Variants in C8orf34 observed in about 807,000 individuals in gnomAD.
C8orf34 encodes chromosome 8 open reading frame 34.
A neutral mutation model predicts 68.3 loss-of-function variants in C8orf34; 65 were observed. The observed-to-expected ratio is 0.95, with a 90% CI of 0.78 to 1.17. C8orf34 has a LOEUF of 1.17. Ranked by LOEUF, C8orf34 falls within the 50% of genes most tolerant of loss-of-function variation. The probability of loss-of-function intolerance (pLI) is 0.00; values close to 1 mark genes in which losing one functional copy is unlikely to be tolerated. For missense variants in C8orf34, 664 were observed against 655.4 expected, an observed-to-expected ratio of 1.01 and a Z score of -0.14; for synonymous variants, 244 against 241.2, an observed-to-expected ratio of 1.01 and a Z score of -0.11.
rs970247708 is a variant in C8orf34 at position 68,585,856 on chromosome 8, G to A, written c.1105+52707G>A. On this transcript the variant is annotated intron_variant, in intron 7 of 13. Transcript: ENST00000518698. ...ACAGAAAGAGAAAGAGAGGCAGACA[G>A]ACCCAAGCGGAGGCCACAATGTCTT... is the stretch of plus-strand genomic sequence containing the variant. 2.6e-5 allele frequency among the ~76,000 whole-genome samples: 4 copies of A among 152,124 alleles called. No homozygotes were observed. In the South Asian group the frequency reaches 8.3e-4, roughly 32 times the overall value.
At chr8:68,551,971 A>G (rs1228819851) in intron 7 of C8orf34, among the ~76,000 whole-genome samples, 1 of 152,166 alleles carries the variant, frequency 6.6e-6, no homozygotes, top group Admixed American at 6.5e-5. Context: ...GCAAAACACC[A>G]ATTTGTCAAA....
chr8:68,778,254 G>A (rs1304921429), intron 11 of C8orf34, among the ~76,000 whole-genome samples: 3 of 151,930 alleles, frequency 2.0e-5, no homozygotes, highest in Non-Finnish European at 4.4e-5. Flanking sequence ...AGTAGAATTG[G>A]TAAACAATAA....
intron 1 of C8orf34, among the ~76,000 whole-genome samples, chr8:68,418,109 G>A (rs1284104576): frequency 6.8e-6 from 1 of 147,016 alleles, no homozygotes; most frequent in Admixed American, 6.8e-5. Flanking sequence ...TGTTATTGGT[G>A]TATAAGAATG....
chr8:68,783,142 G>C (rs375569612), intron 11 of C8orf34, among the ~76,000 whole-genome samples: 1 of 151,852 alleles, frequency 6.6e-6, no homozygotes, highest in Non-Finnish European at 1.5e-5. Flanking sequence ...AAAGGAAAAC[G>C]TGAGGGCCCC....
intron 1 of C8orf34, among the ~76,000 whole-genome samples, chr8:68,380,914 C>A (rs990784080): frequency 1.3e-5 from 2 of 152,082 alleles, no homozygotes; most frequent in Non-Finnish European, 2.9e-5. Context: ...TGCCCTGAGG[C>A]TTTATTCTAA....
rs565291113 is a variant in C8orf34, at chr8:68,755,502, T to G, written c.1405-20897T>G. On this transcript the variant is annotated intron_variant, in intron 10 of 13. Transcript: ENST00000518698. Reference sequence around the variant, plus strand: ...TCATACCAATCCTATGTAGTAGATATCTGATACCAATTTTACAGTTGTAGA... The same window carrying G: ...TCATACCAATCCTATGTAGTAGATAGCTGATACCAATTTTACAGTTGTAGA... 2.6e-5 allele frequency among the ~76,000 whole-genome samples: 4 copies of G among 152,356 alleles called. No homozygotes were observed. The East Asian group carries it at 5.8e-4, about 22-fold the overall frequency.
intron 7 of C8orf34, among the ~76,000 whole-genome samples, chr8:68,547,974 T>G (rs1354052298): frequency 6.6e-6 from 1 of 151,754 alleles, no homozygotes; most frequent in Non-Finnish European, 1.5e-5. Context: ...CAACCATTGG[T>G]GCTGGAACAA....
intron 8 of C8orf34, among the ~76,000 whole-genome samples, chr8:68,675,428 G>A (rs753337573): frequency 6.6e-6 from 1 of 152,108 alleles, no homozygotes; most frequent in Non-Finnish European, 1.5e-5. Flanking sequence ...GAGAGACAAA[G>A]TTAAAATGTA....
rs916810278 is a variant in C8orf34 at position 68,744,382 on chromosome 8, G to C, written c.1404+22945G>C. The stretch of plus-strand genomic sequence containing the variant: ...ACCAGCAACGGAACAAAGCTGGACG[G>C]AGAATGACTTTGACGAGCTGAGAGA... On this transcript the variant is annotated intron_variant, in intron 10 of 13. Transcript: ENST00000518698. 7.2e-5 allele frequency among the ~76,000 whole-genome samples: 11 copies of C among 152,222 alleles called. 1 individual carries two copies. Among genetic ancestry groups the C allele is most frequent in the African/African-American group, 2.7e-4 (11 of 41,458 alleles).
At chr8:68,586,758 T>A (rs1393475862) in intron 7 of C8orf34, among the ~76,000 whole-genome samples, 1 of 152,166 alleles carries the variant, frequency 6.6e-6, no homozygotes, top group African/African-American at 2.4e-5. Flanking sequence ...TTCTATTTGA[T>A]GGCTAAGGAG....
chr8:68,645,487 G>C (rs148505670), intron 8 of C8orf34, among the ~76,000 whole-genome samples: 4 of 152,212 alleles, frequency 2.6e-5, no homozygotes, highest in African/African-American at 4.8e-5. Context: ...CTGGCTAAGG[G>C]AGAAATCTCT....
intron 7 of C8orf34, among the ~76,000 whole-genome samples, chr8:68,590,190 AGAGAGAAAGGGG>A (rs1288609327): frequency 1.5e-5 from 2 of 135,046 alleles, no homozygotes; most frequent in East Asian, 5.3e-4. Flanking sequence ...GAAGAAAGGA[AGAGAGAAAGGGG>A]GAGGGAGGGC....
intron 1 of C8orf34, among the ~76,000 whole-genome samples, chr8:68,408,926 T>A (rs1258058993): frequency 6.6e-6 from 1 of 152,048 alleles, no homozygotes; most frequent in Non-Finnish European, 1.5e-5. Flanking sequence ...GTAGCTAGGA[T>A]TACAGGCACA....
Position 68,448,986 on chromosome 8 carries a change from G to A in C8orf34, c.607+2526G>A, listed in dbSNP as rs139579005. On this transcript the variant is annotated intron_variant, in intron 3 of 13. Transcript: ENST00000518698. Reference sequence around the variant, plus strand: ...CTAAAGCGTTATGCACCCAATAACAGAAGTTTCTCAATACATGACACAAAA... The same window carrying A: ...CTAAAGCGTTATGCACCCAATAACAAAAGTTTCTCAATACATGACACAAAA... 2.1e-3 allele frequency among the ~76,000 whole-genome samples: 325 copies of A among 152,138 alleles called. 1 individual carries two copies. Among genetic ancestry groups the A allele is most frequent in the African/African-American group, 7.1e-3 (293 of 41,556 alleles).
chr8:68,472,882 G>A (rs902421946), intron 4 of C8orf34, among the ~76,000 whole-genome samples: 1 of 151,816 alleles, frequency 6.6e-6, no homozygotes, highest in African/African-American at 2.4e-5. Flanking sequence ...AGCACCTCTC[G>A]TTTTGGAACT....
chr8:68,345,369 T>C (rs1337511324), intron 1 of C8orf34, among the ~76,000 whole-genome samples: 1 of 151,898 alleles, frequency 6.6e-6, no homozygotes, highest in Admixed American at 6.6e-5. Context: ...ATGATATACT[T>C]TAAAAACTTT....
chr8:68,787,054 C>A (rs1427815952), intron 11 of C8orf34, among the ~76,000 whole-genome samples: 1 of 152,138 alleles, frequency 6.6e-6, no homozygotes, highest in Non-Finnish European at 1.5e-5. Context: ...TTCTCTAAAT[C>A]CCATTCATCT....
intron 7 of C8orf34, among the ~76,000 whole-genome samples, chr8:68,546,639 T>C (rs1239607072): frequency 6.6e-6 from 1 of 151,808 alleles, no homozygotes. Context: ...TTACAGTAGA[T>C]TGAAATTTAT....
chr8:68,630,917 C>G (rs1818670405), intron 7 of C8orf34, among the ~76,000 whole-genome samples: 1 of 149,604 alleles, frequency 6.7e-6, no homozygotes, highest in Non-Finnish European at 1.5e-5. Context: ...GTAGCTGGGA[C>G]CACAGGCATG....
Sources: allele counts gnomAD v4.1 joint callset (sites outside exome capture counted in the v4.1 genomes callset), GRCh38; gene constraint gnomAD v4.1.1; transcripts MANE v1.5; gene names NCBI Gene and HGNC (gene_info 2026-07-23, HGNC 2026-07-21).